MTUS2: variants seen among roughly 807,000 people sequenced by gnomAD.
MTUS2 encodes microtubule-associated tumor suppressor candidate 2.
Under a neutral mutation model 114.1 loss-of-function variants are expected in MTUS2, and 40 were observed. The observed-to-expected ratio is 0.35, with a 90% CI of 0.27 to 0.46. MTUS2 has a LOEUF of 0.46. MTUS2 is among the 20% of genes least tolerant of loss of function. MTUS2 has a pLI of 1.00. For missense variants in MTUS2, 1,679 were observed against 1,705.4 expected (o/e 0.98, Z 0.27); for synonymous variants, 688 against 672.0 (o/e 1.02, Z -0.37).
At chr13:29,239,031 C>T (rs188426648) in intron 5 of MTUS2, among the ~76,000 whole-genome samples, 54 of 152,218 alleles carry the variant, frequency 3.5e-4, no homozygotes, top group Non-Finnish European at 6.5e-4. Context: ...GGAGATCTAA[C>T]GTACAGCATG....
At chr13:29,297,961 A>G (rs1276216075) in intron 6 of MTUS2, among the ~76,000 whole-genome samples, 1 of 152,202 alleles carries the variant, frequency 6.6e-6, no homozygotes, top group Middle Eastern at 3.2e-3. Context: ...TTAGTCATGT[A>G]GTGGTTCTTC....
At chr13:28,995,101 T>C (rs1885035989) in intron 2 of MTUS2, among the ~76,000 whole-genome samples, 1 of 152,238 alleles carries the variant, frequency 6.6e-6, no homozygotes, top group Non-Finnish European at 1.5e-5. Context: ...AGGGATCCAG[T>C]TTCAGCTTTC....
At chr13:28,976,622 TAGG>T (rs978614490) in intron 2 of MTUS2, among the ~76,000 whole-genome samples, 6 of 151,978 alleles carry the variant, frequency 3.9e-5, no homozygotes, top group African/African-American at 9.7e-5. Context: ...GGAAGTACAG[TAGG>T]AGGAGATGAG....
At chr13:29,326,607 A>C (rs1439677794) in intron 7 of MTUS2, among the ~76,000 whole-genome samples, 1 of 152,190 alleles carries the variant, frequency 6.6e-6, no homozygotes, top group Non-Finnish European at 1.5e-5. Flanking sequence ...AATTGAAAGA[A>C]TACAATAAGA....
chr13:29,025,019 A>G lies in MTUS2; in HGVS notation c.321A>G (p.Glu107=), dbSNP rs968225731. The change falls in exon 3 of 16, where the codon GAA becomes GAG. Residue 107 remains glutamate (E), a synonymous_variant. Transcript: ENST00000612955. Reference sequence around the variant, plus strand: ...GACTTTCTTCAACCATTCAGAGGGAACTCAATGAAGAGCACACAGTGGAGA... The same window carrying G: ...GACTTTCTTCAACCATTCAGAGGGAGCTCAATGAAGAGCACACAGTGGAGA... ...DFRLSSTIQR[E]LNEEHTVERG... The G allele has an allele frequency of 5.0e-6, 8 of 1,614,010 alleles. No individual in the cohort carries two copies. The highest frequency in any genetic ancestry group is 2.2e-5 in the East Asian group (1 of 44,874).
At chr13:29,351,800 A>T (rs1246730189) in intron 7 of MTUS2, among the ~76,000 whole-genome samples, 2 of 147,942 alleles carry the variant, frequency 1.4e-5, no homozygotes, top group Admixed American at 1.3e-4. Context: ...TTTTTTGTAG[A>T]GATGATGTCT....
chr13:29,313,731 A>T (rs74041792), intron 6 of MTUS2, among the ~76,000 whole-genome samples: 3,598 of 152,266 alleles, frequency 0.024, 137 homozygotes, highest in African/African-American at 0.081. Flanking sequence ...CATAATGGAT[A>T]CAAAAAGATC....
chr13:28,853,639 T>G (rs1299968577), intron 2 of MTUS2, among the ~76,000 whole-genome samples: 1 of 152,216 alleles, frequency 6.6e-6, no homozygotes, highest in East Asian at 1.9e-4. Flanking sequence ...TTACATTATC[T>G]AGTTATAACC....
chr13:28,923,824 G>A (rs1881179298), intron 2 of MTUS2, among the ~76,000 whole-genome samples: 1 of 152,110 alleles, frequency 6.6e-6, no homozygotes, highest in Non-Finnish European at 1.5e-5. Flanking sequence ...ACTTATTGTG[G>A]GAGGATCCTC....
intron 5 of MTUS2, among the ~76,000 whole-genome samples, chr13:29,203,132 C>T (rs1895032282): frequency 6.6e-6 from 1 of 152,258 alleles, no homozygotes; most frequent in South Asian, 2.1e-4. Flanking sequence ...TCCGCAGATG[C>T]TCTGTCTCAG....
chr13:28,973,980 C>T (rs542227396), intron 2 of MTUS2, among the ~76,000 whole-genome samples: 129 of 152,270 alleles, frequency 8.5e-4, no homozygotes, highest in African/African-American at 2.9e-3. Context: ...GTGAGTAAAG[C>T]GTGCTGGGTG....
intron 2 of MTUS2, among the ~76,000 whole-genome samples, chr13:28,958,084 G>A (rs970130947): frequency 3.3e-5 from 5 of 152,200 alleles, no homozygotes; most frequent in Admixed American, 2.0e-4. Context: ...AATTGTCAGC[G>A]TTGGCTGTGC....
rs75658513 is a variant in MTUS2, at chr13:29,460,034, A to G, written c.3184+19985A>G. On this transcript the variant is annotated intron_variant, in intron 9 of 15. Transcript: ENST00000612955. ...GCAGACCACAGGTATATCATTCATA[A>G]TCAAAGCTGCCATTTACTGAATGCC... Among the ~76,000 whole-genome samples, 61 of 152,320 alleles carry G rather than the reference A, an allele frequency of 4.0e-4. No individual in the cohort carries two copies. In the East Asian group the frequency reaches 5.8e-3, roughly 14 times the overall value.
intron 2 of MTUS2, among the ~76,000 whole-genome samples, chr13:28,987,209 C>A (rs1484844560): frequency 6.6e-6 from 1 of 152,138 alleles, no homozygotes; most frequent in Non-Finnish European, 1.5e-5. Context: ...CTTGAGTGTG[C>A]AGGAAATCTT....
intron 5 of MTUS2, among the ~76,000 whole-genome samples, chr13:29,169,168 T>C (rs1217481906): frequency 6.6e-6 from 1 of 152,146 alleles, no homozygotes; most frequent in African/African-American, 2.4e-5. Context: ...ACTGCATAGA[T>C]GTTGAAGAGA....
At chr13:29,072,552 G>A (rs9506090) in intron 4 of MTUS2, among the ~76,000 whole-genome samples, 149,174 of 152,284 alleles carry the variant, frequency 0.98, 73,105 homozygotes, top group Non-Finnish European at 1. Context: ...TCATACTACA[G>A]TTTTCTGAGT....
At chr13:29,262,157 G>A (rs1280156910) in intron 5 of MTUS2, among the ~76,000 whole-genome samples, 1 of 152,244 alleles carries the variant, frequency 6.6e-6, no homozygotes, top group Non-Finnish European at 1.5e-5. Flanking sequence ...GAGAGAGTCA[G>A]TGTTAGCACT....
At chr13:29,135,587 C>T (rs1189065726) in intron 5 of MTUS2, among the ~76,000 whole-genome samples, 1 of 151,898 alleles carries the variant, frequency 6.6e-6, no homozygotes, top group East Asian at 1.9e-4. Context: ...TTTCTATATG[C>T]CTTATAGGAT....
At chr13:29,062,439 G>A (rs566880258) in intron 4 of MTUS2, among the ~76,000 whole-genome samples, 104 of 152,226 alleles carry the variant, frequency 6.8e-4, no homozygotes, top group African/African-American at 2.4e-3. Flanking sequence ...ATTTTACATG[G>A]TCACTCAAAG....
Sources: allele counts gnomAD v4.1 joint callset (sites outside exome capture counted in the v4.1 genomes callset), GRCh38; gene constraint gnomAD v4.1.1; transcripts MANE v1.5; gene names NCBI Gene and HGNC (gene_info 2026-07-23, HGNC 2026-07-21).